CCDC141: variants seen among roughly 807,000 people sequenced by gnomAD.
The protein encoded by CCDC141 is coiled-coil domain containing 141.
CCDC141 carries 168 observed loss-of-function variants against 181.0 expected under a neutral mutation model. The ratio of observed to expected loss-of-function variants is 0.93; its 90% CI spans 0.82 to 1.05. The LOEUF (loss-of-function observed/expected upper bound fraction) is 1.05. Ranked by LOEUF, CCDC141 falls within the 50% of genes least tolerant of loss-of-function variation. The pLI, the probability that CCDC141 is intolerant of heterozygous loss-of-function variation, is 0.00. For missense variants in CCDC141, 1,902 were observed against 1,788.5 expected, an observed-to-expected ratio of 1.06 and a Z score of -1.14; for synonymous variants, 666 against 642.3, an observed-to-expected ratio of 1.04 and a Z score of -0.56.
chr2:178,991,454 A>G (rs1245307817), intron 2 of CCDC141, among the ~76,000 whole-genome samples: 1 of 152,090 alleles, frequency 6.6e-6, no homozygotes, highest in Non-Finnish European at 1.5e-5. Flanking sequence ...TTGACATTTT[A>G]AAAAGAACAA....
chr2:178,962,400 C>T (rs1429526190), intron 4 of CCDC141, among the ~76,000 whole-genome samples: 1 of 152,164 alleles, frequency 6.6e-6, no homozygotes, highest in African/African-American at 2.4e-5. Context: ...CCGCCATCAT[C>T]AAGACCTGTT....
At chr2:178,880,373 G>C (rs1411920865) in intron 11 of CCDC141, among the ~76,000 whole-genome samples, 3 of 152,166 alleles carry the variant, frequency 2.0e-5, no homozygotes, top group Non-Finnish European at 2.9e-5. Flanking sequence ...ATTTGCCTTA[G>C]AATGTCTTTT....
chr2:178,967,944 T>G (rs1410763465), intron 4 of CCDC141, among the ~76,000 whole-genome samples: 1 of 151,950 alleles, frequency 6.6e-6, no homozygotes, highest in Non-Finnish European at 1.5e-5. Context: ...GCAATCCTAA[T>G]CTCATAAAAC....
At chr2:178,917,837 A>C (rs571953045) in intron 7 of CCDC141, among the ~76,000 whole-genome samples, 2 of 152,326 alleles carry the variant, frequency 1.3e-5, no homozygotes, top group South Asian at 4.1e-4. Context: ...GTCCACAGCC[A>C]GATTTCACTC....
At chr2:178,952,066 G>A (rs1689973198) in intron 5 of CCDC141, among the ~76,000 whole-genome samples, 1 of 152,226 alleles carries the variant, frequency 6.6e-6, no homozygotes, top group Admixed American at 6.5e-5. Flanking sequence ...GAAAGTTAAG[G>A]AGGGGAAAAT....
chr2:179,009,135 A>G (rs1268470947), intron 2 of CCDC141, among the ~76,000 whole-genome samples: 1 of 152,112 alleles, frequency 6.6e-6, no homozygotes, highest in African/African-American at 2.4e-5. Context: ...CTGTCTTCCC[A>G]TCTCTAATAT....
intron 20 of CCDC141, among the ~76,000 whole-genome samples, chr2:178,851,205 CAAAAA>C (rs3045634): frequency 1.9e-5 from 2 of 103,778 alleles, no homozygotes; most frequent in African/African-American, 3.6e-5. Flanking sequence ...GACTTTGTCT[CAAAAA>C]AAAAAAAAAA....
At chr2:178,932,122 C>T (rs1689123919) in intron 6 of CCDC141, among the ~76,000 whole-genome samples, 1 of 152,156 alleles carries the variant, frequency 6.6e-6, no homozygotes. Flanking sequence ...TGTGCCACTG[C>T]ACTCCAGCCT....
At chr2:178,945,853 G>GCACACACACACACA (rs10649193) in intron 5 of CCDC141, among the ~76,000 whole-genome samples, 1,900 of 149,532 alleles carry the variant, frequency 0.013, 50 homozygotes, top group East Asian at 0.1. Context: ...ACACATGCGT[G>GCACACACACACACA]CACACACACA....
chr2:178,908,026 G>A (rs545844958), intron 7 of CCDC141, among the ~76,000 whole-genome samples: 3 of 151,574 alleles, frequency 2.0e-5, no homozygotes, highest in Non-Finnish European at 2.9e-5. Flanking sequence ...AATAAACAAT[G>A]AAACAAAAAA....
At chr2:178,934,158 C>A (rs1426475556) in intron 6 of CCDC141, among the ~76,000 whole-genome samples, 3 of 152,008 alleles carry the variant, frequency 2.0e-5, no homozygotes, top group African/African-American at 7.3e-5. Context: ...AAACACTAAC[C>A]CACACATTCC....
At chr2:178,991,578 G>A (rs1475053538) in intron 2 of CCDC141, among the ~76,000 whole-genome samples, 1 of 152,012 alleles carries the variant, frequency 6.6e-6, no homozygotes, top group Admixed American at 6.6e-5. Context: ...TGGCTAATGG[G>A]TACAAAAATA....
chr2:178,819,360 A>G, the CCDC141 span, among the ~76,000 whole-genome samples: 8 of 152,346 alleles, frequency 5.3e-5, no homozygotes, highest in Admixed American at 2.0e-4. Context: ...TAGCTCTCAT[A>G]ACAAATTTAT....
intron 2 of CCDC141, among the ~76,000 whole-genome samples, chr2:178,992,712 T>G (rs1279776757): frequency 6.6e-6 from 1 of 152,112 alleles, no homozygotes; most frequent in African/African-American, 2.4e-5. Context: ...CGTGATATGG[T>G]TTGGCTGTGC....
chr2:178,899,393 T>C (rs1230220487), intron 8 of CCDC141, among the ~76,000 whole-genome samples: 1 of 152,166 alleles, frequency 6.6e-6, no homozygotes, highest in Non-Finnish European at 1.5e-5. Context: ...ATTGAGCCCT[T>C]TCTATGTGCT....
At chr2:178,913,433 C>T (rs960223036) in intron 7 of CCDC141, among the ~76,000 whole-genome samples, 1 of 151,818 alleles carries the variant, frequency 6.6e-6, no homozygotes, top group East Asian at 1.9e-4. Flanking sequence ...TCAATCTATA[C>T]AACAACTGGA....
At chr2:179,025,406 T>C (rs1217858392) in intron 2 of CCDC141, among the ~76,000 whole-genome samples, 1 of 152,118 alleles carries the variant, frequency 6.6e-6, no homozygotes, top group Admixed American at 6.5e-5. Flanking sequence ...AGTGAATGAC[T>C]CTCACGAGAT....
chr2:178,851,453 T>C (rs569426596), intron 20 of CCDC141, among the ~76,000 whole-genome samples: 2 of 152,002 alleles, frequency 1.3e-5, no homozygotes, highest in African/African-American at 2.4e-5. Context: ...AATGAGGCCA[T>C]TGGGATGGGG....
intron 2 of CCDC141, among the ~76,000 whole-genome samples, chr2:179,041,491 G>GTTTTTTTTTTT (rs35229059): frequency 3.4e-5 from 2 of 58,864 alleles, no homozygotes; most frequent in Non-Finnish European, 5.7e-5. Context: ...TTGGTTGTGG[G>GTTTTTTTTTTT]TTTTTTTTTT....
Sources: gnomAD v4.1 joint callset for allele counts (sites outside exome capture counted in the v4.1 genomes callset) on GRCh38, gnomAD v4.1.1 for gene constraint, MANE v1.5 for transcripts, NCBI Gene and HGNC (gene_info 2026-07-23, HGNC 2026-07-21) for gene names.